SHROOM3: variants seen among roughly 807,000 people sequenced by gnomAD.
The protein encoded by SHROOM3 is protein Shroom3.
SHROOM3 carries 47 observed loss-of-function variants against 138.6 expected under a neutral mutation model. That is an observed-to-expected ratio of 0.34 (90% CI 0.27 to 0.43). The LOEUF (loss-of-function observed/expected upper bound fraction) is 0.43, where lower values mean the gene tolerates loss of function less well. Ranked by LOEUF, SHROOM3 falls within the 20% of genes least tolerant of loss-of-function variation. The pLI is 1.00. For synonymous variants in SHROOM3, 1,062 were observed against 1,063.3 expected (o/e 1.00, Z 0.02); for missense variants, 2,491 against 2,596.5 (o/e 0.96, Z 0.88).
At chr4:76,771,730 T>C (rs1179169910) in intron 10 of SHROOM3, among the ~76,000 whole-genome samples, 1 of 152,192 alleles carries the variant, frequency 6.6e-6, no homozygotes, top group Non-Finnish European at 1.5e-5. Context: ...CGCAGTCTCA[T>C]GGAATCCTCA....
intron 2 of SHROOM3, among the ~76,000 whole-genome samples, chr4:76,602,953 T>C (rs572404969): frequency 6.6e-6 from 1 of 152,228 alleles, no homozygotes; most frequent in South Asian, 2.1e-4. Flanking sequence ...TAGTAAATGC[T>C]CAAGATACAT....
chr4:76,586,763 A>T (rs1734163431), intron 2 of SHROOM3, among the ~76,000 whole-genome samples: 1 of 152,270 alleles, frequency 6.6e-6, no homozygotes, highest in Non-Finnish European at 1.5e-5. Context: ...AGAGTAAAGT[A>T]ACTTTTAGTT....
At chr4:76,586,095 C>G (rs1024609097) in intron 2 of SHROOM3, 2 of 257,340 alleles carry the variant, frequency 7.8e-6, no homozygotes, top group African/African-American at 4.6e-5. Context: ...CGTGCCAGCG[C>G]GGTGGAAACC....
chr4:76,463,854 G>A (rs530616299), intron 1 of SHROOM3, among the ~76,000 whole-genome samples: 22 of 152,380 alleles, frequency 1.4e-4, no homozygotes, highest in African/African-American at 5.3e-4. Context: ...CAGAGGGCAA[G>A]TGTTAATGCT....
chr4:76,623,143 A>C (rs1034011020), intron 2 of SHROOM3, among the ~76,000 whole-genome samples: 28 of 152,276 alleles, frequency 1.8e-4, no homozygotes, highest in African/African-American at 6.7e-4. Flanking sequence ...CAAGTTTGGG[A>C]TATTTTGCTT....
chr4:76,502,145 G>A (rs1004081455), intron 1 of SHROOM3, among the ~76,000 whole-genome samples: 13 of 152,156 alleles, frequency 8.5e-5, no homozygotes, highest in Non-Finnish European at 1.3e-4. Context: ...GCCCTGTGCC[G>A]TCTCGGGACT....
chr4:76,656,491 A>G lies in SHROOM3; in HGVS notation c.324-53665A>G, dbSNP rs184113476. Reference sequence around the variant, plus strand: ...TTTCTTTGCCTGCTGGATTTTATTCACTCTTTATATCTCAGTGTCATAGGC... The same window carrying G: ...TTTCTTTGCCTGCTGGATTTTATTCGCTCTTTATATCTCAGTGTCATAGGC... On this transcript the variant is annotated intron_variant, in intron 2 of 10. Coordinates refer to ENST00000296043, the MANE Select transcript of SHROOM3 (RefSeq NM_020859.4). Among the ~76,000 whole-genome samples the G allele has an allele frequency of 4.6e-3, 706 of 152,000 alleles. 2 individuals are homozygous for G. Among genetic ancestry groups the G allele is most frequent in the Admixed American group, 8.4e-3 (128 of 15,266 alleles).
intron 2 of SHROOM3, among the ~76,000 whole-genome samples, chr4:76,704,262 C>T (rs1719985498): frequency 6.6e-6 from 1 of 152,176 alleles, no homozygotes; most frequent in African/African-American, 2.4e-5. Flanking sequence ...ACTCACTGTG[C>T]TAGGCCTTGG....
Position 76,664,094 on chromosome 4 carries a change from T to G in SHROOM3, c.324-46062T>G, listed in dbSNP as rs143807017. ...CAAAGTGGGTGAACTACTTGCTGGCTGTAAGTCTGGCGTCATTGAAAGAAT... is the reference window on the plus strand; with the variant it reads ...CAAAGTGGGTGAACTACTTGCTGGCGGTAAGTCTGGCGTCATTGAAAGAAT... On this transcript the variant is annotated intron_variant, in intron 2 of 10. Transcript: ENST00000296043. This position sits in a 1 kb window ranked among gnomAD's most constrained non-coding sequence, Gnocchi z 4.2. 2.3e-3 allele frequency among the ~76,000 whole-genome samples: 355 copies of G among 152,364 alleles called. No homozygotes were observed. The highest frequency in any genetic ancestry group is 3.8e-3 in the Non-Finnish European group (258 of 68,034).
chr4:76,589,726 G>T (rs1237720897), intron 2 of SHROOM3, among the ~76,000 whole-genome samples: 1 of 152,178 alleles, frequency 6.6e-6, no homozygotes, highest in African/African-American at 2.4e-5. Context: ...CAGGGGCGGG[G>T]GTCCCAGCAA....
At chr4:76,774,934 T>A (rs891149918) in intron 10 of SHROOM3, among the ~76,000 whole-genome samples, 1 of 151,974 alleles carries the variant, frequency 6.6e-6, no homozygotes, top group Non-Finnish European at 1.5e-5. Context: ...CTTGATTGAT[T>A]TTCATTTTAA....
At chr4:76,769,840 A>G (rs1722290338) in intron 9 of SHROOM3, among the ~76,000 whole-genome samples, 1 of 152,240 alleles carries the variant, frequency 6.6e-6, no homozygotes, top group African/African-American at 2.4e-5. Flanking sequence ...TGTATGGCAC[A>G]TATCAACTGC....
chr4:76,547,441 C>A (rs3923380), intron 1 of SHROOM3, among the ~76,000 whole-genome samples: 83,274 of 151,980 alleles, frequency 0.55, 23,012 homozygotes, highest in Admixed American at 0.69. Flanking sequence ...CTGGAACACA[C>A]GAAGCCCTCA....
intron 6 of SHROOM3, among the ~76,000 whole-genome samples, chr4:76,753,481 G>GCAGA (rs930021915): frequency 6.0e-4 from 92 of 152,316 alleles, no homozygotes; most frequent in African/African-American, 2.2e-3. Flanking sequence ...TCAGGGAACT[G>GCAGA]CAGACAGGGA....
chr4:76,650,506 C>CT (rs534951504), intron 2 of SHROOM3, among the ~76,000 whole-genome samples: 25 of 150,682 alleles, frequency 1.7e-4, no homozygotes, highest in Admixed American at 1.3e-4. Flanking sequence ...TTGCAACATT[C>CT]TTTTTTTTAA....
intron 1 of SHROOM3, among the ~76,000 whole-genome samples, chr4:76,547,940 C>CAA (rs1733260159): frequency 6.6e-6 from 1 of 151,610 alleles, no homozygotes. Flanking sequence ...AAAACACACA[C>CAA]ACACACACAC....
chr4:76,604,960 T>G (rs549105306), intron 2 of SHROOM3, among the ~76,000 whole-genome samples: 1 of 152,332 alleles, frequency 6.6e-6, no homozygotes, highest in African/African-American at 2.4e-5. Context: ...AAAATCAATC[T>G]AATATATTTC....
intron 10 of SHROOM3, among the ~76,000 whole-genome samples, chr4:76,772,213 C>T (rs1722386057): frequency 6.6e-6 from 1 of 150,952 alleles, no homozygotes; most frequent in Non-Finnish European, 1.5e-5. Context: ...ATGCCATTCT[C>T]ATGCCTCGGC....
intron 8 of SHROOM3, 100 bp downstream of exon 8, chr4:76,757,037 C>T (rs1578023854): frequency 6.3e-7 from 1 of 1,579,320 alleles, no homozygotes; most frequent in East Asian, 2.2e-5. Context: ...CTCCTACTGC[C>T]ACAGCTCCTG....
Sources: gnomAD v4.1 joint callset for allele counts (sites outside exome capture counted in the v4.1 genomes callset) on GRCh38, gnomAD v4.1.1 for gene constraint, Gnocchi (gnomAD v3.1) non-coding constraint, MANE v1.5 for transcripts, NCBI Gene and HGNC (gene_info 2026-07-23, HGNC 2026-07-21) for gene names.